SEC23IP: variants seen among roughly 807,000 people sequenced by gnomAD.
SEC23IP encodes SEC23 interacting protein.
In SEC23IP, 70 loss-of-function variants were observed where a neutral mutation model predicts 113.4. That is an observed-to-expected ratio of 0.62 (90% CI 0.51 to 0.75). SEC23IP has a LOEUF of 0.75. SEC23IP is among the 30% of genes least tolerant of loss of function. The pLI is 0.00. For missense variants in SEC23IP, 1,160 were observed against 1,204.9 expected, an observed-to-expected ratio of 0.96 and a Z score of 0.55; for synonymous variants, 398 against 421.0, an observed-to-expected ratio of 0.95 and a Z score of 0.67.
rs762967285 is a variant in SEC23IP, at chr10:119,933,756, C to G, written c.2992C>G (p.Pro998Ala). The change falls in exon 18 of 19, where the codon CCC becomes GCC. Residue 998 changes from proline to alanine, a missense_variant. Transcript: ENST00000369075. ...YRTMNISPEQ[P>A]QH Reference sequence around the variant, plus strand: ...AACAATGAACATTAGTCCAGAACAGCCCCAGCATTGATCAAACTTCAGTTT... The same window carrying G: ...AACAATGAACATTAGTCCAGAACAGGCCCAGCATTGATCAAACTTCAGTTT... The G allele has an allele frequency of 6.3e-7, 1 of 1,575,602 alleles. No homozygotes were observed. Among genetic ancestry groups the G allele is most frequent in the South Asian group, 1.1e-5 (1 of 89,726 alleles).
At chr10:119,902,346 C>G (rs913686711) in intron 2 of SEC23IP, among the ~76,000 whole-genome samples, 1 of 152,114 alleles carries the variant, frequency 6.6e-6, no homozygotes, top group African/African-American at 2.4e-5. Context: ...AACTCCGCCT[C>G]ACACACACAA....
intron 14 of SEC23IP, 65 bp from the exon 15 acceptor site, chr10:119,930,264 G>T: frequency 1.2e-6 from 1 of 855,356 alleles, no homozygotes; most frequent in Non-Finnish European, 1.8e-6. Context: ...ACCCAGCGAA[G>T]GCATATAACT....
intron 5 of SEC23IP, 56 bp downstream of exon 5, chr10:119,909,186 G>A (rs912649380): frequency 8.4e-6 from 10 of 1,186,430 alleles, no homozygotes; most frequent in Non-Finnish European, 1.2e-6. Flanking sequence ...ATTTTTCTGT[G>A]TATGTTTGAT....
rs1292268990 is a variant in SEC23IP, at chr10:119,932,462, T to C, written c.2758+144T>C. The C allele has an allele frequency of 1.1e-5, 7 of 622,624 alleles. No homozygotes were observed. The African/African-American group carries it at 1.3e-4, about 11-fold the overall frequency. The allele number at this position is 622,624 out of a possible 1,614,324, so 38.6% of individuals were successfully genotyped here. On this transcript the variant is annotated intron_variant, in intron 16 of 18. Transcript: ENST00000369075. ...TAAAGGAAAATCTGTTAAGATAAAC[T>C]GTACTGTCAATAGCATTACTTCAAA...
intron 16 of SEC23IP, 92 bp downstream of exon 16, chr10:119,932,410 CT>C: frequency 1.0e-6 from 1 of 995,514 alleles, no homozygotes; most frequent in Non-Finnish European, 1.4e-6. Context: ...CCTTTCTAGA[CT>C]TTTTGGTTAA....
chr10:119,909,057 C>G lies in SEC23IP; in HGVS notation c.1118C>G (p.Ala373Gly), dbSNP rs772576407. 4 of 1,610,860 alleles carry G rather than the reference C, an allele frequency of 2.5e-6. No homozygotes were observed. The highest frequency in any genetic ancestry group is 3.4e-6 in the Non-Finnish European group (4 of 1,178,046). The change falls in exon 5 of 19, where the codon GCT becomes GGT. Residue 373 changes from alanine to glycine, a missense_variant. Coordinates refer to ENST00000369075, the MANE Select transcript of SEC23IP (RefSeq NM_007190.4). ...CCATTATAGGCTGAATATAAAAAAG[C>G]TGTAACCACTAATCAGTGGCACCGA... ...SEKLEAEYKK[A>G]VTTNQWHRRL...
rs1259565006 is a variant in SEC23IP at position 119,944,151 on chromosome 10, T to G, written c.*3586T>G. 6.6e-6 allele frequency: 1 copy of G among 152,080 alleles called. No individual in the cohort carries two copies. Among genetic ancestry groups the G allele is most frequent in the Non-Finnish European group, 1.5e-5 (1 of 68,012 alleles). The allele number at this position is 152,080 out of a possible 1,614,324, so 9.4% of individuals were successfully genotyped here. On this transcript the variant is annotated 3_prime_UTR_variant, in exon 19 of 19. Coordinates refer to ENST00000369075, the MANE Select transcript of SEC23IP (RefSeq NM_007190.4). ...AGGGGAGGGACCTGGTGGGAGGTGA[T>G]TGGATCATGGGGGCTGTTTCCCCAT...
chr10:119,932,393 T>C (rs1427029268), intron 16 of SEC23IP, 75 bp downstream of exon 16: 2 of 1,135,802 alleles, frequency 1.8e-6, no homozygotes, highest in Non-Finnish European at 2.5e-6. Flanking sequence ...TATATGATGA[T>C]GCATTTCCTT....
At chr10:119,901,631 C>T (rs1345658729) in intron 2 of SEC23IP, among the ~76,000 whole-genome samples, 1 of 152,098 alleles carries the variant, frequency 6.6e-6, no homozygotes, top group Non-Finnish European at 1.5e-5. Context: ...GTTGTACACA[C>T]CAATTTCCTA....
intron 13 of SEC23IP, 65 bp from the exon 14 acceptor site, chr10:119,929,542 C>G: frequency 6.8e-7 from 1 of 1,465,710 alleles, no homozygotes. Context: ...CCTGAAAATT[C>G]AAAAGAATTT....
intron 13 of SEC23IP, among the ~76,000 whole-genome samples, chr10:119,928,215 CT>C (rs1855484127): frequency 1.3e-5 from 2 of 152,060 alleles, no homozygotes; most frequent in South Asian, 4.1e-4. Context: ...AAACATTTTT[CT>C]TTTGTGAAGT....
At chr10:119,917,020 C>T (rs1416979453) in intron 8 of SEC23IP, among the ~76,000 whole-genome samples, 2 of 152,008 alleles carry the variant, frequency 1.3e-5, no homozygotes, top group Admixed American at 6.6e-5. Context: ...AGGTGCAAGC[C>T]GCCATGCCTG....
chr10:119,926,305 C>A (rs1855420166), intron 13 of SEC23IP, 78 bp downstream of exon 13: 3 of 1,314,046 alleles, frequency 2.3e-6, no homozygotes, highest in East Asian at 2.4e-5. Flanking sequence ...GCTTTAAGTT[C>A]TTTAAATATT....
intron 2 of SEC23IP, among the ~76,000 whole-genome samples, chr10:119,902,557 G>A (rs1050991576): frequency 3.8e-5 from 4 of 105,502 alleles, no homozygotes; most frequent in African/African-American, 1.6e-4. Flanking sequence ...GGCATGCAAT[G>A]TGTAATCATC....
Position 119,944,322 on chromosome 10 carries a change from C to A in SEC23IP, c.*3757C>A, listed in dbSNP as rs1049435980. 3 of 152,208 alleles carry A rather than the reference C, an allele frequency of 2.0e-5. No homozygotes were observed. Among genetic ancestry groups the A allele is most frequent in the African/African-American group, 7.2e-5 (3 of 41,436 alleles). 9.4% of individuals were successfully genotyped at this position (152,208 alleles called of 1,614,324 possible). A position where few individuals can be genotyped will look rare whatever the true frequency, so the allele number is the denominator to read the frequency against. The stretch of plus-strand genomic sequence containing the variant: ...TCACAATTGTAAGTTCCCCGAGGTT[C>A]GTCATGATTGTAAGTTTCCTGAGGT... On this transcript the variant is annotated 3_prime_UTR_variant, in exon 19 of 19. Coordinates refer to ENST00000369075, the MANE Select transcript of SEC23IP (RefSeq NM_007190.4).
At chr10:119,904,476 T>C (rs1482417364) in intron 4 of SEC23IP, 199 bp downstream of exon 4, 6 of 563,670 alleles carry the variant, frequency 1.1e-5, no homozygotes, top group Non-Finnish European at 1.9e-5. Context: ...AAAGATAGAA[T>C]ATGATTTGCA....
rs199535211 is a variant in SEC23IP, at chr10:119,898,843, C to G, written c.580C>G (p.Pro194Ala). ...RHTPGSSRAN[P>A]YIAPPQLQQC... is the part of the protein sequence containing the mutation. ...TACCCCTGGCAGCAGCAGGGCTAAT[C>G]CTTACATTGCACCACCCCAGCTGCA... The change falls in exon 2 of 19, where the codon CCT (proline) becomes GCT (alanine). Residue 194 changes from proline (P) to alanine (A), a missense_variant. By Grantham distance (27) the Pro-to-Ala change is conservative. Transcript: ENST00000369075. 6.2e-7 allele frequency: 1 copy of G among 1,613,192 alleles called. No homozygotes were observed. The highest frequency in any genetic ancestry group is 1.3e-5 in the African/African-American group (1 of 75,038).
intron 13 of SEC23IP, among the ~76,000 whole-genome samples, chr10:119,926,845 ATTC>A (rs1233113365): frequency 6.6e-6 from 1 of 152,196 alleles, no homozygotes; most frequent in East Asian, 1.9e-4. Flanking sequence ...AGAGGAATAT[ATTC>A]TTATGTAAGT....
At chr10:119,934,296 T>A (rs1855705431) in intron 18 of SEC23IP, among the ~76,000 whole-genome samples, 3 of 152,242 alleles carry the variant, frequency 2.0e-5, no homozygotes. Flanking sequence ...GTAGTACTCC[T>A]CACATCTGTC....
Sources: gnomAD v4.1 joint callset for allele counts (sites outside exome capture counted in the v4.1 genomes callset) on GRCh38, gnomAD v4.1.1 for gene constraint, MANE v1.5 for transcripts, NCBI Gene and HGNC (gene_info 2026-07-23, HGNC 2026-07-21) for gene names.